The following KLRG2 variants were observed in gnomAD, a reference collection of about 807,000 sequenced individuals.
The protein encoded by KLRG2 is killer cell lectin-like receptor subfamily G member 2.
KLRG2 carries 39 observed loss-of-function variants against 35.4 expected under a neutral mutation model. That is an observed-to-expected ratio of 1.10 (90% CI 0.85 to 1.44). The LOEUF is 1.44. Ranked by LOEUF, KLRG2 falls within the 40% of genes most tolerant of loss-of-function variation. The pLI is 0.00. For missense variants in KLRG2, 632 were observed against 570.9 expected (o/e 1.11, Z -1.09); for synonymous variants, 283 against 265.8 (o/e 1.06, Z -0.63).
At chr7:139,475,809 G>A (rs2116473077) in intron 3 of KLRG2, among the ~76,000 whole-genome samples, 1 of 152,312 alleles carries the variant, frequency 6.6e-6, no homozygotes, top group South Asian at 2.1e-4. Flanking sequence ...CAGAGGCCTG[G>A]ACTTGCGACG....
At chr7:139,459,304 G>C (rs564195360) in intron 3 of KLRG2, among the ~76,000 whole-genome samples, 1 of 152,158 alleles carries the variant, frequency 6.6e-6, no homozygotes, top group African/African-American at 2.4e-5. Flanking sequence ...TGCTCAATCT[G>C]TCTGTCTCAG....
the KLRG2 span, among the ~76,000 whole-genome samples, chr7:139,443,093 A>AATTTT: frequency 1.8e-5 from 2 of 109,622 alleles, no homozygotes; most frequent in African/African-American, 6.1e-5. Context: ...AGGAAAAAAA[A>AATTTT]CTTTTTTTTT....
intron 3 of KLRG2, among the ~76,000 whole-genome samples, chr7:139,472,706 T>C (rs1053113690): frequency 9.2e-5 from 14 of 152,032 alleles, no homozygotes; most frequent in Non-Finnish European, 1.5e-4. Flanking sequence ...AAAGGACAGA[T>C]AGACAGCTGG....
At chr7:139,429,297 C>A in the KLRG2 span, among the ~76,000 whole-genome samples, 1 of 152,168 alleles carries the variant, frequency 6.6e-6, no homozygotes, top group Admixed American at 6.5e-5. Context: ...CAGAGCAAGA[C>A]CCTGTCTCAA....
intron 3 of KLRG2, among the ~76,000 whole-genome samples, chr7:139,471,921 G>A (rs1796763592): frequency 6.6e-6 from 1 of 152,196 alleles, no homozygotes; most frequent in African/African-American, 2.4e-5. Flanking sequence ...AGCCAAAGTG[G>A]GTGGGATAAA....
At chr7:139,437,013 T>C in the KLRG2 span, among the ~76,000 whole-genome samples, 1 of 152,178 alleles carries the variant, frequency 6.6e-6, no homozygotes, top group African/African-American at 2.4e-5. Context: ...GGCCGGAGCT[T>C]GACAGGGGAC....
the KLRG2 span, among the ~76,000 whole-genome samples, chr7:139,442,938 T>C: frequency 6.6e-6 from 1 of 151,670 alleles, no homozygotes. Context: ...AAACGATACA[T>C]TGGGATTGAG....
chr7:139,450,385 G>A (rs551334229), downstream of KLRG2, among the ~76,000 whole-genome samples: 12 of 151,962 alleles, frequency 7.9e-5, no homozygotes, highest in East Asian at 9.7e-4. Context: ...CACCACGCCC[G>A]GCTAATTTTT....
At chr7:139,460,110 T>A (rs1796543845) in intron 3 of KLRG2, among the ~76,000 whole-genome samples, 1 of 152,112 alleles carries the variant, frequency 6.6e-6, no homozygotes, top group African/African-American at 2.4e-5. Context: ...GGTCTCAAAC[T>A]CCTGACCTCA....
the KLRG2 span, among the ~76,000 whole-genome samples, chr7:139,439,611 A>G: frequency 7.0e-6 from 1 of 143,114 alleles, no homozygotes; most frequent in Non-Finnish European, 1.6e-5. Flanking sequence ...CCAAGCTGCC[A>G]TCCCTCAAGA....
At chr7:139,431,174 A>G in the KLRG2 span, among the ~76,000 whole-genome samples, 9 of 152,190 alleles carry the variant, frequency 5.9e-5, no homozygotes, top group East Asian at 3.9e-4. Flanking sequence ...TGTACAATCA[A>G]TTCTCTATGT....
chr7:139,446,121 G>A, the KLRG2 span, among the ~76,000 whole-genome samples: 2 of 151,980 alleles, frequency 1.3e-5, no homozygotes, highest in Non-Finnish European at 2.9e-5. Context: ...GATTACAGGC[G>A]TGAGCCACCA....
Position 139,454,182 on chromosome 7 carries a change from G to A in KLRG2, c.1038C>T (p.His346=), listed in dbSNP as rs546531009. ...DFLGRYPVSR[H]SWVGAWRGPQ... The stretch of plus-strand genomic sequence containing the variant: ...GGCCTCGCCAGGCCCCCACCCAGGA[G>A]TGCCTGGAGACTGGGTATCTGCCCA... The change falls in exon 4 of 5, where the codon CAC becomes CAT. Residue 346 remains histidine, a synonymous_variant. Coordinates refer to ENST00000340940, the MANE Select transcript of KLRG2 (RefSeq NM_198508.4). 856 of 1,544,622 alleles carry A rather than the reference G, an allele frequency of 5.5e-4. 1 individual carries two copies. The highest frequency in any genetic ancestry group is 6.8e-4 in the Non-Finnish European group (782 of 1,142,116).
chr7:139,463,472 C>T (rs1796603200), intron 3 of KLRG2, among the ~76,000 whole-genome samples: 1 of 152,222 alleles, frequency 6.6e-6, no homozygotes, highest in Non-Finnish European at 1.5e-5. Context: ...GCACCTCCAG[C>T]ATACAAGAAC....
chr7:139,475,657 G>A (rs1028721120), intron 3 of KLRG2, among the ~76,000 whole-genome samples: 1 of 152,120 alleles, frequency 6.6e-6, no homozygotes, highest in Non-Finnish European at 1.5e-5. Flanking sequence ...TCCTTTGGCT[G>A]TGTGTTTGTA....
chr7:139,427,535 A>G, the KLRG2 span, among the ~76,000 whole-genome samples: 2 of 152,196 alleles, frequency 1.3e-5, no homozygotes, highest in Non-Finnish European at 2.9e-5. Context: ...AATGCTGTTC[A>G]CACCTGTCTC....
At chr7:139,456,365 T>G (rs2116429668) in intron 3 of KLRG2, among the ~76,000 whole-genome samples, 1 of 152,322 alleles carries the variant, frequency 6.6e-6, no homozygotes, top group East Asian at 1.9e-4. Flanking sequence ...TTATTTTTAT[T>G]TTTTTAATTT....
At chr7:139,462,344 GTC>G (rs1343229547) in intron 3 of KLRG2, among the ~76,000 whole-genome samples, 1 of 151,836 alleles carries the variant, frequency 6.6e-6, no homozygotes, top group South Asian at 2.1e-4. Context: ...TTCTCTCCGT[GTC>G]TCTACCCCTT....
At chr7:139,480,096 C>T (rs1041050426) in intron 2 of KLRG2, 50 bp downstream of exon 2, 19 of 1,231,664 alleles carry the variant, frequency 1.5e-5, no homozygotes, top group Non-Finnish European at 2.3e-5. Context: ...AACACAGCCC[C>T]AGTAGTGGAG....
Sources: allele counts gnomAD v4.1 joint callset (sites outside exome capture counted in the v4.1 genomes callset), GRCh38; gene constraint gnomAD v4.1.1; transcripts MANE v1.5; gene names NCBI Gene and HGNC (gene_info 2026-07-23, HGNC 2026-07-21).